Variants in MAPK14 observed in about 807,000 individuals in gnomAD.
The protein encoded by MAPK14 is mitogen-activated protein kinase 14.
Under a neutral mutation model 49.6 loss-of-function variants are expected in MAPK14, and 16 were observed. That is an observed-to-expected ratio of 0.32 (90% CI 0.22 to 0.49). MAPK14 has a LOEUF of 0.49. Among genes scored for constraint, MAPK14 ranks in the 20% least tolerant of loss-of-function variants. The pLI, the probability that MAPK14 is intolerant of heterozygous loss-of-function variation, is 0.99. For synonymous variants in MAPK14, 142 were observed against 158.0 expected (o/e 0.90, Z 0.76); for missense variants, 200 against 441.2 (o/e 0.45, Z 4.90).
intron 1 of MAPK14, among the ~76,000 whole-genome samples, chr6:36,029,942 C>T (rs1293341070): frequency 8.0e-6 from 1 of 124,434 alleles, no homozygotes; most frequent in African/African-American, 3.6e-5. Flanking sequence ...TATATACATT[C>T]AGTATATACA....
chr6:36,063,423 A>G (rs1763908082), intron 3 of MAPK14, among the ~76,000 whole-genome samples: 1 of 152,146 alleles, frequency 6.6e-6, no homozygotes, highest in Non-Finnish European at 1.5e-5. Flanking sequence ...CCCCTTCTCT[A>G]CAAAAAAATT....
At chr6:36,070,278 A>C (rs573276091) in intron 3 of MAPK14, among the ~76,000 whole-genome samples, 1 of 152,220 alleles carries the variant, frequency 6.6e-6, no homozygotes, top group Non-Finnish European at 1.5e-5. Flanking sequence ...TTGGAAGAAT[A>C]TGTGCTGTGA....
chr6:36,120,007 A>G, the MAPK14 span, among the ~76,000 whole-genome samples: 4 of 152,216 alleles, frequency 2.6e-5, no homozygotes, highest in African/African-American at 4.8e-5. Flanking sequence ...AGGGCATGGA[A>G]TCAGAGAGGG....
At chr6:36,094,634 C>T (rs988241004) in intron 8 of MAPK14, among the ~76,000 whole-genome samples, 6 of 152,138 alleles carry the variant, frequency 3.9e-5, no homozygotes, top group African/African-American at 1.4e-4. Flanking sequence ...ATATGTATAA[C>T]CATAAGCAAA....
chr6:36,053,735 A>C (rs1405615475), intron 2 of MAPK14, among the ~76,000 whole-genome samples: 1 of 152,188 alleles, frequency 6.6e-6, no homozygotes, highest in Non-Finnish European at 1.5e-5. Flanking sequence ...AGACTGTTTT[A>C]GTAATTTAAC....
At chr6:36,055,888 A>G (rs1763573088) in intron 2 of MAPK14, among the ~76,000 whole-genome samples, 1 of 152,090 alleles carries the variant, frequency 6.6e-6, no homozygotes, top group African/African-American at 2.4e-5. Flanking sequence ...ATTAATATTC[A>G]TAAGTATGAT....
chr6:36,087,523 T>C, intron 8 of MAPK14, among the ~76,000 whole-genome samples: 1 of 152,136 alleles, frequency 6.6e-6, no homozygotes, highest in East Asian at 1.9e-4. Context: ...GAATGAACTC[T>C]TATTCACAAC....
intron 1 of MAPK14, among the ~76,000 whole-genome samples, chr6:36,036,536 A>C (rs930371767): frequency 1.4e-5 from 2 of 138,886 alleles, no homozygotes; most frequent in African/African-American, 5.6e-5. Context: ...GAATAAATCA[A>C]TGCAGCAATT....
chr6:36,104,499 T>C (rs947624893), intron 10 of MAPK14, among the ~76,000 whole-genome samples: 3 of 152,152 alleles, frequency 2.0e-5, no homozygotes. Context: ...GTGATTCTTC[T>C]GCCTCAGCCT....
the MAPK14 span, among the ~76,000 whole-genome samples, chr6:36,121,431 C>T: frequency 2.0e-5 from 3 of 152,230 alleles, no homozygotes; most frequent in Non-Finnish European, 2.9e-5. Context: ...CTGGAGCACC[C>T]TCTTTCCAGG....
chr6:36,115,785 C>T (rs1766050095), downstream of MAPK14, among the ~76,000 whole-genome samples: 1 of 151,982 alleles, frequency 6.6e-6, no homozygotes, highest in African/African-American at 2.4e-5. Flanking sequence ...AAAAATTAGT[C>T]AGCTGTGGTG....
In MAPK14 at chr6:36,110,181, T is replaced by G. The variant is rs930939120; in HGVS notation, c.*1734T>G. ...GTATAAAGTCACTTCCAGTGTTGGC[T>G]GTGTGACAGAATCTTGTATTTGGGC... On this transcript the variant is annotated 3_prime_UTR_variant, in exon 12 of 12. Transcript: ENST00000229794. 3 of 152,232 alleles carry G rather than the reference T, an allele frequency of 2.0e-5. No homozygotes were observed. The highest frequency in any genetic ancestry group is 4.4e-5 in the Non-Finnish European group (3 of 68,048). The allele number at this position is 152,232 out of a possible 1,614,324, so 9.4% of individuals were successfully genotyped here.
Position 36,108,580 on chromosome 6 carries a change from G to A in MAPK14, c.*133G>A. The A allele has an allele frequency of 1.4e-6, 1 of 711,372 alleles. No homozygotes were observed. The highest frequency in any genetic ancestry group is 2.5e-6 in the Non-Finnish European group (1 of 394,832). 44.1% of individuals were successfully genotyped at this position (711,372 alleles called of 1,614,324 possible). A position where few individuals can be genotyped will look rare whatever the true frequency, so the allele number is the denominator to read the frequency against. On this transcript the variant is annotated 3_prime_UTR_variant, in exon 12 of 12. Transcript: ENST00000229794. ...ATGGTGGAAGGGGGTGTGCGTGCGTGTGCGTGCGTGTTAGTGTGTGTGCAT... is the reference window on the plus strand; with the variant it reads ...ATGGTGGAAGGGGGTGTGCGTGCGTATGCGTGCGTGTTAGTGTGTGTGCAT...
intron 2 of MAPK14, among the ~76,000 whole-genome samples, chr6:36,056,696 TAGG>T (rs1324359213): frequency 6.6e-6 from 1 of 152,214 alleles, no homozygotes; most frequent in Non-Finnish European, 1.5e-5. Context: ...TTTATTTCCA[TAGG>T]AGGATTTTCA....
intron 9 of MAPK14, among the ~76,000 whole-genome samples, chr6:36,099,720 A>T (rs954533829): frequency 1.3e-5 from 2 of 152,170 alleles, no homozygotes; most frequent in African/African-American, 4.8e-5. Flanking sequence ...ATTCGGAGGG[A>T]TGGTGCCTTG....
At chr6:36,105,870 G>A (rs137899545) in intron 10 of MAPK14, among the ~76,000 whole-genome samples, 7 of 152,244 alleles carry the variant, frequency 4.6e-5, no homozygotes, top group Admixed American at 3.9e-4. Flanking sequence ...CTGGTTATAT[G>A]GCAGTATTTA....
In MAPK14 at chr6:36,107,198, G is replaced by A. The variant is rs1765823597; in HGVS notation, c.842-257G>A. Reference sequence around the variant, plus strand: ...CCCATCAGTCCGTGGTGAGACCCATGTAACAAATGTGCACATGTACCCCCA... The same window carrying A: ...CCCATCAGTCCGTGGTGAGACCCATATAACAAATGTGCACATGTACCCCCA... On this transcript the variant is annotated intron_variant, in intron 10 of 11. Coordinates refer to ENST00000229794, the MANE Select transcript of MAPK14 (RefSeq NM_139012.3). The surrounding 1 kb of genome is among the most constrained non-coding windows in gnomAD (Gnocchi z 4.3). Among the ~76,000 whole-genome samples, 1 of 151,968 alleles carries A rather than the reference G, an allele frequency of 6.6e-6. No homozygotes were observed. The highest frequency in any genetic ancestry group is 6.6e-5 in the Admixed American group (1 of 15,252).
downstream of MAPK14, among the ~76,000 whole-genome samples, chr6:36,112,978 C>T (rs896527073): frequency 3.9e-5 from 6 of 152,150 alleles, no homozygotes; most frequent in East Asian, 5.8e-4. Flanking sequence ...ATAAATAGCT[C>T]ATTAGTGAAT....
intron 8 of MAPK14, among the ~76,000 whole-genome samples, chr6:36,085,012 G>A (rs1259584420): frequency 6.6e-6 from 1 of 152,132 alleles, no homozygotes; most frequent in Non-Finnish European, 1.5e-5. Context: ...GAGATTCGGG[G>A]CCAATATTCA....
Sources: gnomAD v4.1 joint callset for allele counts (sites outside exome capture counted in the v4.1 genomes callset) on GRCh38, gnomAD v4.1.1 for gene constraint, Gnocchi (gnomAD v3.1) non-coding constraint, MANE v1.5 for transcripts, NCBI Gene and HGNC (gene_info 2026-07-23, HGNC 2026-07-21) for gene names.